Variants in FAM149A observed in about 807,000 individuals in gnomAD.
FAM149A encodes the protein protein FAM149A.
A neutral mutation model predicts 78.2 loss-of-function variants in FAM149A; 71 were observed. The ratio of observed to expected loss-of-function variants is 0.91; its 90% CI spans 0.75 to 1.11. FAM149A has a LOEUF of 1.11. FAM149A is among the 50% of genes least tolerant of loss of function. The pLI is 0.00. For missense variants in FAM149A, 1,036 were observed against 971.0 expected (o/e 1.07, Z -0.89); for synonymous variants, 446 against 410.5 (o/e 1.09, Z -1.04).
Position 186,105,539 on chromosome 4 carries a change from G to T in FAM149A, c.463G>T (p.Gly155Cys), listed in dbSNP as rs2099308395. The T allele has an allele frequency of 8.8e-7, 1 of 1,139,972 alleles. No homozygotes were observed. Among genetic ancestry groups the T allele is most frequent in the East Asian group, 1.0e-4 (1 of 9,808 alleles). The allele number at this position is 1,139,972 out of a possible 1,614,324, so 70.6% of individuals were successfully genotyped here. ...GCCTGGCCCCGGAGAGCGAGAGCTC[G>T]GCGCCTGCGTGGCCCCCGGGGCTGG... The change falls in exon 1 of 14, where the codon GGC becomes TGC. Residue 155 changes from glycine to cysteine, a missense_variant. Transcript: ENST00000389354.
At chr4:186,110,318 C>G (rs996013806) in intron 1 of FAM149A, 17 of 984,590 alleles carry the variant, frequency 1.7e-5, no homozygotes, top group Non-Finnish European at 2.0e-5. Context: ...GTTAGTAATG[C>G]TTGCTGCTGG....
intron 8 of FAM149A, chr4:186,158,127 G>A (rs1313890314): frequency 1.5e-6 from 2 of 1,301,240 alleles, no homozygotes; most frequent in African/African-American, 3.0e-5. Flanking sequence ...TCCCTGTCTT[G>A]CTCCAGGAAC....
intron 1 of FAM149A, 85 bp from the exon 2 acceptor site, chr4:186,149,088 T>G (rs1733270830): frequency 1.8e-6 from 2 of 1,137,490 alleles, no homozygotes; most frequent in Non-Finnish European, 2.2e-6. Context: ...AGCAACTTTG[T>G]ATAAAAGAGA....
chr4:186,153,150 C>T (rs1733745892), intron 4 of FAM149A: 1 of 537,604 alleles, frequency 1.9e-6, no homozygotes, highest in South Asian at 7.9e-5. Context: ...CGGGAGCTCA[C>T]ACTTATTCTT....
At chr4:186,156,921 A>AGGTATGATCGTGCCGCT (rs1554070860) in intron 7 of FAM149A, among the ~76,000 whole-genome samples, 7 of 151,824 alleles carry the variant, frequency 4.6e-5, no homozygotes, top group African/African-American at 1.7e-4. Context: ...ATTGAAAGTG[A>AGGTATGATCGTGCCGCT]GCACTCCATC....
intron 1 of FAM149A, among the ~76,000 whole-genome samples, chr4:186,128,476 A>C (rs530344936): frequency 2.6e-5 from 4 of 151,996 alleles, no homozygotes; most frequent in Admixed American, 1.3e-4. Flanking sequence ...AATATTATAA[A>C]AAAAAAAACC....
In FAM149A at chr4:186,157,728, T is replaced by C; in HGVS notation, c.1575+9T>C. 6.3e-7 allele frequency: 1 copy of C among 1,599,334 alleles called. No individual in the cohort carries two copies. The highest frequency in any genetic ancestry group is 8.5e-7 in the Non-Finnish European group (1 of 1,172,044). On this transcript the variant is annotated intron_variant, in intron 8 of 13. Coordinates refer to ENST00000389354, the MANE Select transcript of FAM149A (RefSeq NM_001367768.3). The stretch of plus-strand genomic sequence containing the variant: ...GTCTGAACCCGCCCCAGGTCGGTGC[T>C]TTCACACCCTTCTCCCTCTTGCCTT...
At chr4:186,149,031 T>TGCGCGC (rs762672222) in intron 1 of FAM149A, 142 bp from the exon 2 acceptor site, 39 of 339,792 alleles carry the variant, frequency 1.1e-4, no homozygotes, top group South Asian at 1.5e-4. Flanking sequence ...TGTGTGTGTG[T>TGCGCGC]GCGCTCATGC....
At chr4:186,141,786 T>C (rs1398589537) in intron 1 of FAM149A, among the ~76,000 whole-genome samples, 1 of 152,168 alleles carries the variant, frequency 6.6e-6, no homozygotes, top group Non-Finnish European at 1.5e-5. Flanking sequence ...GGGTGTCTCA[T>C]AGATCCCCAA....
chr4:186,149,447 TG>T (rs1436642664), intron 2 of FAM149A, 118 bp from the exon 3 acceptor site: 1 of 1,134,022 alleles, frequency 8.8e-7, no homozygotes, highest in Non-Finnish European at 1.1e-6. Context: ...TAGTATACTG[TG>T]AAATTAATAA....
At chr4:186,156,242 G>A (rs572376870) in intron 7 of FAM149A, 52 bp downstream of exon 7, 14 of 1,480,036 alleles carry the variant, frequency 9.5e-6, no homozygotes, top group African/African-American at 2.8e-5. Flanking sequence ...CCTGTTCTTC[G>A]GCCCTGGGCT....
intron 8 of FAM149A, chr4:186,158,007 A>G (rs191176688): frequency 2.7e-6 from 4 of 1,472,962 alleles, no homozygotes; most frequent in African/African-American, 1.4e-5. Flanking sequence ...GGAGCAGTAT[A>G]TCCACAAAAG....
intron 1 of FAM149A, chr4:186,126,153 A>G (rs924802072): frequency 3.2e-6 from 3 of 949,476 alleles, no homozygotes; most frequent in South Asian, 9.7e-5. Flanking sequence ...TGCCCTGTCC[A>G]TACTACTCAT....
At chr4:186,157,154 C>T (rs892556015) in intron 7 of FAM149A, among the ~76,000 whole-genome samples, 3 of 99,850 alleles carry the variant, frequency 3.0e-5, no homozygotes, top group Non-Finnish European at 8.5e-5. Context: ...TGCTTTAATC[C>T]TCTTACATAC....
chr4:186,137,565 T>C (rs1053651189), intron 1 of FAM149A, among the ~76,000 whole-genome samples: 2 of 151,904 alleles, frequency 1.3e-5, no homozygotes, highest in Non-Finnish European at 2.9e-5. Context: ...AAAGAAACCA[T>C]AAAGTATTAA....
rs923991318 is a variant in FAM149A at position 186,105,403 on chromosome 4, GC to G, written c.333del (p.Thr112LeufsTer92). 1.0e-5 allele frequency: 12 copies of G among 1,183,296 alleles called. No homozygotes were observed. In the Admixed American group the frequency reaches 3.1e-4, roughly 31 times the overall value. 73.3% of individuals were successfully genotyped at this position (1,183,296 alleles called of 1,614,324 possible). ...CTAGAGCGGGTAAAGCCCCGCCCCAGCCCCCCACTCCCTCCGGCGGGGGCTG... is the reference window on the plus strand; with the variant it reads ...CTAGAGCGGGTAAAGCCCCGCCCCAGCCCCCACTCCCTCCGGCGGGGGCTG... On this transcript the variant is annotated frameshift_variant, in exon 1 of 14. Transcript: ENST00000389354. LOFTEE classifies it high-confidence loss of function.
intron 1 of FAM149A, among the ~76,000 whole-genome samples, chr4:186,135,597 G>T (rs2099322358): frequency 6.6e-6 from 1 of 152,152 alleles, no homozygotes; most frequent in Admixed American, 6.5e-5. Context: ...ATATATAGTA[G>T]CGACTTGCTA....
intron 1 of FAM149A, among the ~76,000 whole-genome samples, chr4:186,139,152 C>A (rs986740606): frequency 6.6e-6 from 1 of 152,162 alleles, no homozygotes; most frequent in African/African-American, 2.4e-5. Flanking sequence ...AGGATGGCTC[C>A]TGTGACATGC....
In FAM149A at chr4:186,104,773, G is replaced by A. The variant is rs1431869173; in HGVS notation, c.-304G>A. On this transcript the variant is annotated 5_prime_UTR_variant, in exon 1 of 14. Transcript: ENST00000389354. ...GGCGGGCGGCGGGCGGCGGGCGTCT[G>A]GGGCGGGCGGCGGCCGCGCTTCCCG... Among the ~76,000 whole-genome samples, 8 of 149,702 alleles carry A rather than the reference G, an allele frequency of 5.3e-5. No homozygotes were observed. The highest frequency in any genetic ancestry group is 1.2e-4 in the Non-Finnish European group (8 of 67,428).
Sources: gnomAD v4.1 joint callset for allele counts (sites outside exome capture counted in the v4.1 genomes callset) on GRCh38, gnomAD v4.1.1 for gene constraint, MANE v1.5 for transcripts, NCBI Gene and HGNC (gene_info 2026-07-23, HGNC 2026-07-21) for gene names.